Variants in CTNNA3 observed in about 807,000 individuals in gnomAD.
CTNNA3 encodes catenin alpha 3.
CTNNA3 carries 76 observed loss-of-function variants against 95.7 expected under a neutral mutation model. The observed-to-expected ratio is 0.79, with a 90% CI of 0.66 to 0.96. CTNNA3 has a LOEUF of 0.96. Among genes scored for constraint, CTNNA3 ranks in the 40% least tolerant of loss-of-function variants. CTNNA3 has a pLI of 0.00. For synonymous variants in CTNNA3, 431 were observed against 374.4 expected (o/e 1.15, Z -1.74); for missense variants, 1,191 against 1,089.8 (o/e 1.09, Z -1.31).
intron 5 of CTNNA3, among the ~76,000 whole-genome samples, chr10:67,332,104 G>T (rs115705893): frequency 6.6e-6 from 1 of 152,004 alleles, no homozygotes; most frequent in Non-Finnish European, 1.5e-5. Flanking sequence ...AAAATAAAAG[G>T]AAGAAAAGTG....
intron 9 of CTNNA3, among the ~76,000 whole-genome samples, chr10:66,658,778 G>A (rs939607993): frequency 1.3e-5 from 2 of 152,100 alleles, no homozygotes; most frequent in Non-Finnish European, 2.9e-5. Flanking sequence ...ACTGCAACCT[G>A]TGCCTCACGG....
At chr10:67,484,568 AT>A (rs1848372437) in intron 5 of CTNNA3, among the ~76,000 whole-genome samples, 1 of 152,216 alleles carries the variant, frequency 6.6e-6, no homozygotes, top group Non-Finnish European at 1.5e-5. Flanking sequence ...CAAAGGTCTA[AT>A]AGCTAGAATT....
intron 11 of CTNNA3, among the ~76,000 whole-genome samples, chr10:66,497,628 A>C (rs1840142161): frequency 6.6e-6 from 1 of 152,110 alleles, no homozygotes; most frequent in African/African-American, 2.4e-5. Context: ...GTTTCATTTA[A>C]TTATAATCAA....
At chr10:66,786,927 T>A (rs965966906) in intron 7 of CTNNA3, among the ~76,000 whole-genome samples, 8 of 152,186 alleles carry the variant, frequency 5.3e-5, no homozygotes, top group African/African-American at 9.6e-5. Flanking sequence ...TCTACAGCGC[T>A]GTCTCAGACT....
At chr10:66,831,328 G>A (rs1023587112) in intron 7 of CTNNA3, among the ~76,000 whole-genome samples, 1 of 152,148 alleles carries the variant, frequency 6.6e-6, no homozygotes, top group Non-Finnish European at 1.5e-5. Flanking sequence ...CTTCCCTTGT[G>A]TGCCAGGCTT....
rs150984946 is a variant in CTNNA3, at chr10:66,335,468, G to C, written c.1732+43684C>G. On this transcript the variant is annotated intron_variant, in intron 12 of 17. Transcript: ENST00000433211. ...CTAACAGTCAGGACCCTCAGCTGCA[G>C]ATCTGTTGGAGTTTGCTGGAGGTCC... is the stretch of plus-strand genomic sequence containing the variant. 5.3e-3 allele frequency among the ~76,000 whole-genome samples: 800 copies of C among 152,246 alleles called. 9 individuals are homozygous for C. Among genetic ancestry groups the C allele is most frequent in the Middle Eastern group, 0.014 (4 of 294 alleles).
At chr10:67,095,942 T>C (rs918401201) in intron 7 of CTNNA3, among the ~76,000 whole-genome samples, 1 of 151,908 alleles carries the variant, frequency 6.6e-6, no homozygotes, top group African/African-American at 2.4e-5. Flanking sequence ...TAAATGGAAG[T>C]ATCCTATTTT....
intron 12 of CTNNA3, among the ~76,000 whole-genome samples, chr10:66,360,568 C>CTGAGGCTTACCTCTAA (rs1277737496): frequency 6.6e-6 from 1 of 151,924 alleles, no homozygotes; most frequent in Non-Finnish European, 1.5e-5. Flanking sequence ...GGAAACAACT[C>CTGAGGCTTACCTCTAA]TGAGGCTTAC....
At chr10:67,065,143 T>G (rs1856000930) in intron 7 of CTNNA3, among the ~76,000 whole-genome samples, 1 of 152,156 alleles carries the variant, frequency 6.6e-6, no homozygotes, top group Admixed American at 6.5e-5. Flanking sequence ...TGGTTCCCTC[T>G]GACACCTGAT....
At chr10:67,257,060 T>C (rs770646209) in intron 5 of CTNNA3, among the ~76,000 whole-genome samples, 16 of 152,200 alleles carry the variant, frequency 1.1e-4, no homozygotes, top group Non-Finnish European at 1.8e-4. Flanking sequence ...TTTCCAGCTA[T>C]AAACATGTTT....
chr10:67,236,581 T>C (rs1338683758), intron 5 of CTNNA3, among the ~76,000 whole-genome samples: 1 of 151,580 alleles, frequency 6.6e-6, no homozygotes, highest in East Asian at 1.9e-4. Flanking sequence ...TTAGTGGGTG[T>C]GGCGCGCCAA....
At chr10:66,411,460 T>A (rs117220518) in intron 11 of CTNNA3, among the ~76,000 whole-genome samples, 1 of 151,924 alleles carries the variant, frequency 6.6e-6, no homozygotes, top group African/African-American at 2.4e-5. Flanking sequence ...TTAGAAACTA[T>A]TGTCAATATA....
chr10:67,615,397 C>G (rs1266404633), intron 2 of CTNNA3, among the ~76,000 whole-genome samples: 1 of 152,140 alleles, frequency 6.6e-6, no homozygotes, highest in Non-Finnish European at 1.5e-5. Context: ...TGCACTTACT[C>G]CTGGATAAAT....
intron 10 of CTNNA3, among the ~76,000 whole-genome samples, chr10:66,584,071 AT>A (rs146311628): frequency 0.024 from 3,602 of 152,050 alleles, 83 homozygotes; most frequent in East Asian, 0.055. Context: ...ATTTTTAAAA[AT>A]TTATTGAACT....
At chr10:67,703,164 C>G (rs944216747) in intron 1 of CTNNA3, among the ~76,000 whole-genome samples, 4 of 152,138 alleles carry the variant, frequency 2.6e-5, no homozygotes, top group African/African-American at 9.7e-5. Flanking sequence ...AGTCCAGGAC[C>G]AGAAGGATTC....
At chr10:66,058,420 T>C (rs1003629068) in intron 15 of CTNNA3, among the ~76,000 whole-genome samples, 4 of 152,154 alleles carry the variant, frequency 2.6e-5, no homozygotes, top group African/African-American at 4.8e-5. Context: ...CCTCCCAACC[T>C]AGTTCTTCAT....
chr10:66,268,993 T>A (rs1283641673), intron 13 of CTNNA3, among the ~76,000 whole-genome samples: 10 of 152,180 alleles, frequency 6.6e-5, no homozygotes, highest in Non-Finnish European at 1.5e-5. Flanking sequence ...ATCATTGCAA[T>A]AAGCTACTGA....
At chr10:67,387,529 C>T (rs957624654) in intron 5 of CTNNA3, among the ~76,000 whole-genome samples, 5 of 152,296 alleles carry the variant, frequency 3.3e-5, no homozygotes, top group South Asian at 2.1e-4. Flanking sequence ...ACAAAGCAGC[C>T]GGGAAGCTCG....
chr10:66,503,355 T>A (rs568851956), intron 11 of CTNNA3, among the ~76,000 whole-genome samples: 1 of 152,284 alleles, frequency 6.6e-6, no homozygotes, highest in Non-Finnish European at 1.5e-5. Flanking sequence ...AATTATATAA[T>A]TAACATTTTC....
Sources: gnomAD v4.1 joint callset for allele counts (sites outside exome capture counted in the v4.1 genomes callset) on GRCh38, gnomAD v4.1.1 for gene constraint, MANE v1.5 for transcripts, NCBI Gene and HGNC (gene_info 2026-07-23, HGNC 2026-07-21) for gene names.